Variants in ITGBL1 observed in about 807,000 individuals in gnomAD.
ITGBL1 encodes integrin subunit beta like 1.
In ITGBL1, 51 loss-of-function variants were observed where a neutral mutation model predicts 68.5. The ratio of observed to expected loss-of-function variants is 0.74; its 90% CI spans 0.59 to 0.94. The LOEUF is 0.94. ITGBL1 is among the 40% of genes least tolerant of loss of function. The pLI is 0.00. For synonymous variants in ITGBL1, 209 were observed against 227.3 expected (o/e 0.92, Z 0.72); for missense variants, 649 against 647.4 (o/e 1.00, Z -0.03).
intron 2 of ITGBL1, among the ~76,000 whole-genome samples, chr13:101,556,363 A>G (rs9582507): frequency 0.79 from 119,843 of 152,186 alleles, 47,182 homozygotes; most frequent in South Asian, 0.81. Flanking sequence ...GAAGCTGGGC[A>G]CGGTGGCTCA....
chr13:101,598,962 G>T (rs1053970078), intron 7 of ITGBL1, among the ~76,000 whole-genome samples: 2 of 152,076 alleles, frequency 1.3e-5, no homozygotes, highest in African/African-American at 2.4e-5. Flanking sequence ...GTAATGGGAT[G>T]GCTGAGTCAA....
chr13:101,498,935 A>G (rs1418370987), intron 2 of ITGBL1, among the ~76,000 whole-genome samples: 1 of 152,152 alleles, frequency 6.6e-6, no homozygotes, highest in Admixed American at 6.5e-5. Flanking sequence ...CAAGGAAAGA[A>G]ATGAGAACCA....
intron 7 of ITGBL1, among the ~76,000 whole-genome samples, chr13:101,639,698 A>G (rs1034673657): frequency 1.3e-5 from 2 of 152,212 alleles, no homozygotes; most frequent in South Asian, 2.1e-4. Flanking sequence ...TGTGTTTCCA[A>G]TTACAAACCA....
chr13:101,602,327 T>A (rs2030434216), intron 7 of ITGBL1, among the ~76,000 whole-genome samples: 1 of 152,014 alleles, frequency 6.6e-6, no homozygotes, highest in African/African-American at 2.4e-5. Context: ...ATCAGATCAG[T>A]ACAAATTGGA....
chr13:101,618,416 G>A (rs2031451982), intron 7 of ITGBL1, among the ~76,000 whole-genome samples: 1 of 152,118 alleles, frequency 6.6e-6, no homozygotes, highest in South Asian at 2.1e-4. Context: ...TTTGTCATTA[G>A]TTATAGTGCT....
chr13:101,663,058 A>G (rs1473039864), intron 7 of ITGBL1, among the ~76,000 whole-genome samples: 1 of 152,178 alleles, frequency 6.6e-6, no homozygotes, highest in African/African-American at 2.4e-5. Flanking sequence ...CTTTAGGGAA[A>G]GAAAGATTAT....
intron 7 of ITGBL1, among the ~76,000 whole-genome samples, chr13:101,654,369 G>A (rs939293923): frequency 7.9e-5 from 12 of 152,296 alleles, no homozygotes; most frequent in Non-Finnish European, 1.3e-4. Flanking sequence ...CCAGGGACCC[G>A]AAGGTGGGGA....
At chr13:101,497,095 A>T (rs1456725041) in intron 2 of ITGBL1, among the ~76,000 whole-genome samples, 1 of 152,176 alleles carries the variant, frequency 6.6e-6, no homozygotes, top group Non-Finnish European at 1.5e-5. Flanking sequence ...GGCCAGAGGG[A>T]AAAGAGAGGG....
chr13:101,483,257 T>C (rs1427843802), intron 2 of ITGBL1, among the ~76,000 whole-genome samples: 1 of 152,188 alleles, frequency 6.6e-6, no homozygotes, highest in Non-Finnish European at 1.5e-5. Context: ...TCTCTGTCCT[T>C]CAGCCAATCA....
At chr13:101,514,175 C>A (rs1415463267) in intron 2 of ITGBL1, among the ~76,000 whole-genome samples, 1 of 152,014 alleles carries the variant, frequency 6.6e-6, no homozygotes, top group Non-Finnish European at 1.5e-5. Flanking sequence ...TCCCCATATT[C>A]TTGCATTGTA....
At chr13:101,642,207 C>T (rs1168049792) in intron 7 of ITGBL1, among the ~76,000 whole-genome samples, 2 of 151,830 alleles carry the variant, frequency 1.3e-5, no homozygotes, top group Admixed American at 6.6e-5. Context: ...TATTTCTCCA[C>T]ATCCTCTCCA....
chr13:101,679,152 C>T (rs2033580676), intron 7 of ITGBL1, among the ~76,000 whole-genome samples: 1 of 151,118 alleles, frequency 6.6e-6, no homozygotes, highest in Non-Finnish European at 1.5e-5. Flanking sequence ...GTGATCTGCC[C>T]TCCTCAGCCT....
At chr13:101,553,942 T>C (rs2049963036) in intron 2 of ITGBL1, among the ~76,000 whole-genome samples, 1 of 151,970 alleles carries the variant, frequency 6.6e-6, no homozygotes, top group East Asian at 1.9e-4. Flanking sequence ...ACTCAGCTAA[T>C]TTTGTATTTT....
intron 2 of ITGBL1, among the ~76,000 whole-genome samples, chr13:101,528,059 A>G (rs968182369): frequency 6.6e-5 from 10 of 151,694 alleles, no homozygotes; most frequent in African/African-American, 2.4e-4. Flanking sequence ...TTAATGGCTC[A>G]TATGTTTTGT....
At chr13:101,606,099 G>GCT (rs111356070) in intron 7 of ITGBL1, among the ~76,000 whole-genome samples, 51,484 of 124,388 alleles carry the variant, frequency 0.41, 10,015 homozygotes, top group Non-Finnish European at 0.48. Context: ...ATATATATAT[G>GCT]CTCTCTCTCT....
intron 7 of ITGBL1, among the ~76,000 whole-genome samples, chr13:101,638,699 GA>G (rs1474847359): frequency 6.6e-6 from 1 of 152,074 alleles, no homozygotes; most frequent in Non-Finnish European, 1.5e-5. Flanking sequence ...CAATATGGGG[GA>G]AACCACCCCC....
At chr13:101,536,201 C>G (rs2049573447) in intron 2 of ITGBL1, among the ~76,000 whole-genome samples, 1 of 151,878 alleles carries the variant, frequency 6.6e-6, no homozygotes, top group South Asian at 2.1e-4. Flanking sequence ...AATCAAAAGA[C>G]TAGGCTATAC....
At chr13:101,532,731 AGACT>A (rs143221789) in intron 2 of ITGBL1, among the ~76,000 whole-genome samples, 1,637 of 152,330 alleles carry the variant, frequency 0.011, 22 homozygotes, top group African/African-American at 0.036. Flanking sequence ...TAAAATGAAG[AGACT>A]GACCAAAGTA....
chr13:101,687,785 G>T (rs781706926), intron 7 of ITGBL1, among the ~76,000 whole-genome samples: 6 of 152,078 alleles, frequency 3.9e-5, no homozygotes, highest in Non-Finnish European at 7.4e-5. Flanking sequence ...GATGATGTTG[G>T]CTGAATTAAT....
Sources: allele counts gnomAD v4.1 joint callset (sites outside exome capture counted in the v4.1 genomes callset), GRCh38; gene constraint gnomAD v4.1.1; transcripts MANE v1.5; gene names NCBI Gene and HGNC (gene_info 2026-07-23, HGNC 2026-07-21).